RBFOX1: variants seen among roughly 807,000 people sequenced by gnomAD.
The protein encoded by RBFOX1 is RNA binding fox-1 homolog 1, also known as RNA binding protein fox-1 homolog 1.
In RBFOX1, 8 loss-of-function variants were observed where a neutral mutation model predicts 57.7. The observed-to-expected ratio is 0.14, with a 90% confidence interval of 0.08 to 0.25. The LOEUF (loss-of-function observed/expected upper bound fraction) is 0.25, where lower values mean the gene tolerates loss of function less well. Ranked by LOEUF, RBFOX1 falls within the 10% of genes least tolerant of loss-of-function variation. The probability of loss-of-function intolerance (pLI) is 1.00; values close to 1 mark genes in which losing one functional copy is unlikely to be tolerated. For missense variants in RBFOX1, 611 were observed against 548.5 expected (o/e 1.11, Z -1.14); for synonymous variants, 326 against 222.4 (o/e 1.47, Z -4.15).
At chr16:6,058,145 G>A (rs558737359) in intron 1 of RBFOX1, among the ~76,000 whole-genome samples, 33 of 152,220 alleles carry the variant, frequency 2.2e-4, no homozygotes, top group Middle Eastern at 3.4e-3. Context: ...GGGGTCGGGG[G>A]TGGAATGGAG....
At position 6,906,247 on chromosome 16, in the gene RBFOX1, C is replaced by A. The variant is rs1012644892; in HGVS notation, c.-15-145810C>A. Among the ~76,000 whole-genome samples the A allele has an allele frequency of 7.9e-5, 12 of 151,930 alleles. No individual in the cohort carries two copies. In the East Asian group the frequency reaches 1.2e-3, roughly 15 times the overall value. ...CCAAAAAGCAATTTATTACCCCCCCCCAAAATATACATTGTCATGTGGAGC... is the reference window on the plus strand; with the variant it reads ...CCAAAAAGCAATTTATTACCCCCCCACAAAATATACATTGTCATGTGGAGC... On this transcript the variant is annotated intron_variant, in intron 3 of 15. Transcript: ENST00000550418.
chr16:6,252,994 G>A (rs1214920881), intron 1 of RBFOX1, among the ~76,000 whole-genome samples: 1 of 152,130 alleles, frequency 6.6e-6, no homozygotes, highest in East Asian at 1.9e-4. Flanking sequence ...ATATCTCTGT[G>A]AGGTAGGAAC....
At chr16:5,838,043 T>C (rs138574410) in intron 3 of RBFOX1, 1 of 152,454 alleles carries the variant, frequency 6.6e-6, no homozygotes, top group East Asian at 1.9e-4. Context: ...GCATAATTTT[T>C]TTTGGCGGGG....
intron 4 of RBFOX1, among the ~76,000 whole-genome samples, chr16:5,998,418 C>T (rs2060527076): frequency 1.3e-5 from 2 of 152,194 alleles, no homozygotes; most frequent in Admixed American, 6.5e-5. Context: ...TAGTTTAAAT[C>T]AGATATTGGG....
chr16:7,107,119 T>C (rs1024498035), intron 4 of RBFOX1, among the ~76,000 whole-genome samples: 1 of 152,150 alleles, frequency 6.6e-6, no homozygotes, highest in African/African-American at 2.4e-5. Flanking sequence ...GGACCAACTA[T>C]GCAAAGAGTC....
intron 10 of RBFOX1, among the ~76,000 whole-genome samples, chr16:7,629,168 T>C (rs2060535182): frequency 2.6e-5 from 4 of 152,044 alleles, no homozygotes; most frequent in African/African-American, 9.7e-5. Context: ...TGCTTCTCCC[T>C]GGGAAAAAGT....
chr16:5,269,373 T>G (rs1016967634), intron 1 of RBFOX1, among the ~76,000 whole-genome samples: 3 of 152,276 alleles, frequency 2.0e-5, no homozygotes, highest in Non-Finnish European at 4.4e-5. Context: ...TGCCATATTT[T>G]CATATTCAAA....
chr16:6,952,763 G>A (rs533794964), intron 3 of RBFOX1, among the ~76,000 whole-genome samples: 32 of 152,224 alleles, frequency 2.1e-4, no homozygotes, highest in African/African-American at 7.0e-4. Flanking sequence ...GGATCACGAG[G>A]TCAGGAGTTT....
chr16:5,941,361 A>G (rs2152265524), intron 4 of RBFOX1, among the ~76,000 whole-genome samples: 1 of 151,962 alleles, frequency 6.6e-6, no homozygotes. Flanking sequence ...ATGGTAGAGC[A>G]TGCCTGTCGT....
chr16:6,561,949 C>T (rs2097184531), intron 2 of RBFOX1, among the ~76,000 whole-genome samples: 1 of 152,164 alleles, frequency 6.6e-6, no homozygotes, highest in Admixed American at 6.6e-5. Context: ...CTAAAGCTAA[C>T]CACATTCACA....
intron 4 of RBFOX1, among the ~76,000 whole-genome samples, chr16:7,195,059 T>C (rs1409893823): frequency 6.6e-6 from 1 of 152,188 alleles, no homozygotes; most frequent in Non-Finnish European, 1.5e-5. Flanking sequence ...AACAAAACTT[T>C]AAAAAATTAT....
chr16:7,480,284 C>T (rs1304723438), intron 4 of RBFOX1, among the ~76,000 whole-genome samples: 3 of 152,176 alleles, frequency 2.0e-5, no homozygotes, highest in African/African-American at 7.2e-5. Flanking sequence ...GATCTGACAT[C>T]TAGTCCTTCT....
intron 2 of RBFOX1, among the ~76,000 whole-genome samples, chr16:5,576,632 C>T (rs944130752): frequency 4.6e-5 from 7 of 152,162 alleles, no homozygotes; most frequent in Non-Finnish European, 7.3e-5. Context: ...GTCCATTTTC[C>T]GCTGGTTTTG....
At chr16:7,120,815 T>TTA (rs201841382) in intron 4 of RBFOX1, among the ~76,000 whole-genome samples, 40,031 of 111,890 alleles carry the variant, frequency 0.36, 6,450 homozygotes, top group Admixed American at 0.45. Context: ...ATGTAATATT[T>TTA]TATATATGTA....
chr16:7,347,555 C>G (rs112663375), intron 4 of RBFOX1, among the ~76,000 whole-genome samples: 1 of 151,994 alleles, frequency 6.6e-6, no homozygotes, highest in Non-Finnish European at 1.5e-5. Flanking sequence ...CACAGCCAAA[C>G]GATATCAAGT....
chr16:7,021,666 G>T (rs1597234423), intron 3 of RBFOX1, among the ~76,000 whole-genome samples: 1 of 147,436 alleles, frequency 6.8e-6, no homozygotes. Context: ...ATTTCCCTCA[G>T]CCTATTTGCA....
chr16:6,127,004 C>G (rs2096594461), intron 1 of RBFOX1, among the ~76,000 whole-genome samples: 1 of 152,136 alleles, frequency 6.6e-6, no homozygotes, highest in Non-Finnish European at 1.5e-5. Context: ...TCGGGGAAGG[C>G]TCTCTGAAAA....
intron 1 of RBFOX1, among the ~76,000 whole-genome samples, chr16:6,234,380 C>T (rs57273336): frequency 1.3e-5 from 2 of 152,256 alleles, no homozygotes; most frequent in East Asian, 1.9e-4. Flanking sequence ...TATTATCTTC[C>T]TTCCAAAACT....
At chr16:7,195,455 T>C (rs1455618980) in intron 4 of RBFOX1, among the ~76,000 whole-genome samples, 1 of 152,278 alleles carries the variant, frequency 6.6e-6, no homozygotes, top group East Asian at 1.9e-4. Flanking sequence ...CCTCTAATAT[T>C]GGCAAGGCAA....
Sources: gnomAD v4.1 joint callset for allele counts (sites outside exome capture counted in the v4.1 genomes callset) on GRCh38, gnomAD v4.1.1 for gene constraint, MANE v1.5 for transcripts, NCBI Gene and HGNC (gene_info 2026-07-23, HGNC 2026-07-21) for gene names.